Variants in PTPRB observed in about 807,000 individuals in gnomAD.
PTPRB encodes the protein receptor-type tyrosine-protein phosphatase beta.
PTPRB carries 97 observed loss-of-function variants against 238.1 expected under a neutral mutation model. The observed-to-expected ratio is 0.41, with a 90% CI of 0.35 to 0.48. PTPRB has a LOEUF of 0.48. Ranked by LOEUF, PTPRB falls within the 20% of genes least tolerant of loss-of-function variation. The pLI is 0.30. For synonymous variants in PTPRB, 970 were observed against 995.4 expected (o/e 0.97, Z 0.48); for missense variants, 2,292 against 2,681.9 (o/e 0.85, Z 3.21).
At position 70,596,182 on chromosome 12, in the gene PTPRB, A is replaced by G; in HGVS notation, c.1125T>C (p.Val375=). 1 of 1,613,784 alleles carries G rather than the reference A, an allele frequency of 6.2e-7. No individual in the cohort carries two copies. Among genetic ancestry groups the G allele is most frequent in the Non-Finnish European group, 8.5e-7 (1 of 1,179,846 alleles). The part of the protein sequence containing the change: ...FDENNQKIQG[V]QIQESTSWNE... ...TCCATGAAGTACTTTCTTGAATTTG[A>G]ACCCCCTGTATCTTTTGGTTATTTT... The change falls in exon 5 of 34, where the codon GTT becomes GTC. Residue 375 remains valine, a synonymous_variant. Transcript: ENST00000334414.
At chr12:70,616,003 C>T (rs1266409809) in intron 3 of PTPRB, among the ~76,000 whole-genome samples, 2 of 152,156 alleles carry the variant, frequency 1.3e-5, no homozygotes, top group South Asian at 4.1e-4. Flanking sequence ...ATTTTGTCAA[C>T]GATCTCAATA....
At chr12:70,619,328 A>G (rs1592599029) in intron 3 of PTPRB, among the ~76,000 whole-genome samples, 1 of 149,996 alleles carries the variant, frequency 6.7e-6, no homozygotes, top group African/African-American at 2.5e-5. Flanking sequence ...TGATAATGAT[A>G]ATGATAATGA....
chr12:70,568,411 C>T (rs977082819), intron 14 of PTPRB, among the ~76,000 whole-genome samples: 4 of 152,100 alleles, frequency 2.6e-5, no homozygotes, highest in Admixed American at 1.3e-4. Flanking sequence ...CATTCTCCTG[C>T]CTCAGCCTCC....
intron 32 of PTPRB, among the ~76,000 whole-genome samples, chr12:70,530,668 A>T (rs575122158): frequency 6.6e-6 from 1 of 152,352 alleles, no homozygotes; most frequent in East Asian, 1.9e-4. Flanking sequence ...AACACAGAAT[A>T]CTGATAATTG....
At chr12:70,599,216 T>C (rs779760987) in intron 4 of PTPRB, among the ~76,000 whole-genome samples, 31 of 152,180 alleles carry the variant, frequency 2.0e-4, no homozygotes, top group Non-Finnish European at 3.7e-4. Context: ...TGTGTGTATG[T>C]ATTAAATATA....
At chr12:70,561,458 GCCAC>G (rs1411662136) in intron 16 of PTPRB, among the ~76,000 whole-genome samples, 3 of 152,166 alleles carry the variant, frequency 2.0e-5, no homozygotes, top group African/African-American at 7.2e-5. Context: ...TAGTCATGCT[GCCAC>G]CTATCCCAAT....
At chr12:70,538,004 C>A in intron 28 of PTPRB, 151 bp downstream of exon 28, 2 of 558,352 alleles carry the variant, frequency 3.6e-6, no homozygotes, top group Non-Finnish European at 6.0e-6. Context: ...AATTGGATAC[C>A]CCATTTTTTT....
chr12:70,595,076 G>A (rs1161731196), intron 5 of PTPRB, among the ~76,000 whole-genome samples: 1 of 151,978 alleles, frequency 6.6e-6, no homozygotes, highest in African/African-American at 2.4e-5. Flanking sequence ...AAAAAAGAGA[G>A]GGAAAATGTG....
chr12:70,630,778 C>T (rs1376844745), intron 2 of PTPRB, among the ~76,000 whole-genome samples: 1 of 152,140 alleles, frequency 6.6e-6, no homozygotes, highest in Non-Finnish European at 1.5e-5. Flanking sequence ...AGCATTACTA[C>T]ACACCAATAA....
chr12:70,631,883 C>A (rs1287341144), intron 2 of PTPRB, among the ~76,000 whole-genome samples: 1 of 152,140 alleles, frequency 6.6e-6, no homozygotes, highest in Non-Finnish European at 1.5e-5. Flanking sequence ...CAATGAGATA[C>A]CATCTCTTGC....
intron 10 of PTPRB, among the ~76,000 whole-genome samples, chr12:70,580,678 G>A (rs1881280778): frequency 6.6e-6 from 1 of 152,142 alleles, no homozygotes; most frequent in South Asian, 2.1e-4. Context: ...AGTTAGCAGG[G>A]CGTGGTGGCA....
chr12:70,540,181 A>G, intron 23 of PTPRB, 159 bp from the exon 24 acceptor site: 1 of 613,568 alleles, frequency 1.6e-6, no homozygotes, highest in East Asian at 2.8e-5. Context: ...GGGAAAGGAA[A>G]GAGAATAAAG....
chr12:70,627,967 T>C (rs1592608635), intron 2 of PTPRB, among the ~76,000 whole-genome samples: 2 of 152,322 alleles, frequency 1.3e-5, no homozygotes, highest in African/African-American at 4.8e-5. Flanking sequence ...TGTATATGAT[T>C]GCTTATCTTT....
chr12:70,560,080 A>G lies in PTPRB; in HGVS notation c.4433-456T>C, dbSNP rs1194020480. 1.3e-5 allele frequency among the ~76,000 whole-genome samples: 2 copies of G among 151,806 alleles called. No individual in the cohort carries two copies. Among genetic ancestry groups the G allele is most frequent in the Non-Finnish European group, 2.9e-5 (2 of 67,954 alleles). On this transcript the variant is annotated intron_variant, in intron 17 of 33. Transcript: ENST00000334414. This position sits in a 1 kb window ranked among gnomAD's most constrained non-coding sequence, Gnocchi z 4.2. Reference sequence around the variant, plus strand: ...TCGAACTCCAGACCTCAAGTGATCCACCCACCTCGGCCTCCCAAAGTACTG... The same window carrying G: ...TCGAACTCCAGACCTCAAGTGATCCGCCCACCTCGGCCTCCCAAAGTACTG...
In PTPRB at chr12:70,576,659, A is replaced by G; in HGVS notation, c.2579-14T>C. ...CACTGGAAGGGACTGTGATTTTGAA[A>G]GGTGGGGGGCGGGGGGGGGGGGGAA... On this transcript the variant is annotated splice_polypyrimidine_tract_variant and intron_variant, in intron 10 of 33. Coordinates refer to ENST00000334414, the MANE Select transcript of PTPRB (RefSeq NM_001109754.4). 3 of 36,268 alleles carry G rather than the reference A, an allele frequency of 8.3e-5. No homozygotes were observed. Among genetic ancestry groups the G allele is most frequent in the African/African-American group, 8.1e-4 (1 of 1,228 alleles). The allele number at this position is 36,268 out of a possible 1,614,324, so 2.2% of individuals were successfully genotyped here. A position where few individuals can be genotyped will look rare whatever the true frequency, so the allele number is the denominator to read the frequency against.
intron 16 of PTPRB, 141 bp from the exon 17 acceptor site, chr12:70,561,075 T>A: frequency 2.3e-6 from 2 of 878,590 alleles, no homozygotes; most frequent in Non-Finnish European, 3.6e-6. Flanking sequence ...TCAGGCCATT[T>A]AACTTTAAGG....
Position 70,572,069 on chromosome 12 carries a change from C to T in PTPRB, c.2861G>A (p.Gly954Glu), listed in dbSNP as rs1384216027. ...QERTVPDKVQ[G>E]VSVSNSARSD... Reference sequence around the variant, plus strand: ...CCTGGCTGAGTTGCTAACACTGACTCCCTGGACTTTGTCAGGCACTGAAAA... The same window carrying T: ...CCTGGCTGAGTTGCTAACACTGACTTCCTGGACTTTGTCAGGCACTGAAAA... The change falls in exon 12 of 34, where the codon GGA becomes GAA. Residue 954 changes from glycine to glutamate, a missense_variant. By Grantham distance (98) the Gly-to-Glu change is moderately conservative (BLOSUM62 -2). Transcript: ENST00000334414. 1.2e-5 allele frequency: 19 copies of T among 1,610,850 alleles called. No homozygotes were observed. Among genetic ancestry groups the T allele is most frequent in the Admixed American group, 1.7e-5 (1 of 59,504 alleles).
In PTPRB at chr12:70,518,917, G is replaced by A. The variant is rs1179588622; in HGVS notation, c.*2572C>T. 6.6e-6 allele frequency: 1 copy of A among 151,934 alleles called. No individual in the cohort carries two copies. The highest frequency in any genetic ancestry group is 1.5e-5 in the Non-Finnish European group (1 of 67,998). 9.4% of individuals were successfully genotyped at this position (151,934 alleles called of 1,614,324 possible). ...GATGCCCACCAAGACAGGAAATGGA[G>A]TGTTTACCAAGACATAACACATGAT... On this transcript the variant is annotated 3_prime_UTR_variant, in exon 34 of 34. Transcript: ENST00000334414.
In PTPRB at chr12:70,534,874, C is replaced by T. The variant is rs149257146; in HGVS notation, c.6163G>A (p.Val2055Ile). 1.5e-4 allele frequency: 249 copies of T among 1,613,972 alleles called. No homozygotes were observed. In the African/African-American group the frequency reaches 2.4e-3, roughly 16 times the overall value. Residue 2055 changes from valine (V) to isoleucine (I), a missense_variant, in exon 30 of 34, where the codon GTC becomes ATC. This residue lies in a region of PTPRB where 397 missense variants were observed against 502.0 expected (regional missense o/e 0.79). Transcript: ENST00000334414. ...DLILQMLSES[V>I]LPEWTIREFK... is the part of the protein sequence containing the mutation. ...TCCCGGATGGTCCACTCAGGCAGGA[C>T]GGACTCTGAGAGCATCTGCAGGATG...
Sources: gnomAD v4.1 joint callset for allele counts (sites outside exome capture counted in the v4.1 genomes callset) on GRCh38, gnomAD v4.1.1 for gene constraint, gnomAD v4.1.1 regional missense constraint, Gnocchi (gnomAD v3.1) non-coding constraint, MANE v1.5 for transcripts, NCBI Gene and HGNC (gene_info 2026-07-23, HGNC 2026-07-21) for gene names.